Variants in ZNF140 observed in about 807,000 individuals in gnomAD.
The protein encoded by ZNF140 is zinc finger protein 140 (clone pHZ-39).
ZNF140 carries 13 observed loss-of-function variants against 12.9 expected under a neutral mutation model. The ratio of observed to expected loss-of-function variants is 1.01; its 90% CI spans 0.66 to 1.60. The LOEUF (loss-of-function observed/expected upper bound fraction) is 1.60, where lower values mean the gene tolerates loss of function less well. Ranked by LOEUF, ZNF140 falls within the 40% of genes most tolerant of loss-of-function variation. The probability of loss-of-function intolerance (pLI) is 0.00; values close to 1 mark genes in which losing one functional copy is unlikely to be tolerated. For missense variants in ZNF140, 531 were observed against 548.8 expected (o/e 0.97, Z 0.32); for synonymous variants, 214 against 186.7 (o/e 1.15, Z -1.19).
chr12:133,095,779 G>C (rs547940560), intron 4 of ZNF140, among the ~76,000 whole-genome samples: 83 of 151,914 alleles, frequency 5.5e-4, no homozygotes, highest in Non-Finnish European at 1.0e-3. Flanking sequence ...AAGGTACTAT[G>C]CCTGGATGTG....
chr12:133,084,053 A>G (rs1253197440), intron 4 of ZNF140: 3 of 349,156 alleles, frequency 8.6e-6, no homozygotes, highest in African/African-American at 6.7e-5. Flanking sequence ...TTTTTTCTAT[A>G]TTACCTAACA....
intron 4 of ZNF140, among the ~76,000 whole-genome samples, chr12:133,095,862 T>C (rs1345833973): frequency 5.9e-5 from 9 of 152,052 alleles, no homozygotes; most frequent in East Asian, 1.9e-4. Flanking sequence ...GCAGCATTAC[T>C]GCAAACATAT....
chr12:133,106,844 CTT>C lies in ZNF140; in HGVS notation c.*196_*197del, dbSNP rs1428608416. ...TGTGGAAAAGCCATTAATAACCACT[CTT>C]TTATTTTTTTGCAATAACAAGGTGA... is the stretch of plus-strand genomic sequence containing the variant. On this transcript the variant is annotated 3_prime_UTR_variant, in exon 5 of 5. Coordinates refer to ENST00000355557, the MANE Select transcript of ZNF140 (RefSeq NM_003440.4). 11 of 457,596 alleles carry C rather than the reference CTT, an allele frequency of 2.4e-5. No homozygotes were observed. Among genetic ancestry groups the C allele is most frequent in the Non-Finnish European group, 3.0e-5 (8 of 265,454 alleles). 28.3% of individuals were successfully genotyped at this position (457,596 alleles called of 1,614,324 possible).
At chr12:133,105,221 G>A (rs1955546415) in intron 4 of ZNF140, among the ~76,000 whole-genome samples, 1 of 152,148 alleles carries the variant, frequency 6.6e-6, no homozygotes, top group Non-Finnish European at 1.5e-5. Context: ...TTAAATGGTG[G>A]TGAAGAAGAC....
intron 4 of ZNF140, among the ~76,000 whole-genome samples, chr12:133,097,941 A>G (rs369172508): frequency 0.016 from 2,414 of 151,556 alleles, 51 homozygotes; most frequent in African/African-American, 0.055. Flanking sequence ...GGTTCAAGCA[A>G]TTCTGCCTCA....
At chr12:133,096,219 T>C (rs1432937895) in intron 4 of ZNF140, among the ~76,000 whole-genome samples, 1 of 152,000 alleles carries the variant, frequency 6.6e-6, no homozygotes, top group Non-Finnish European at 1.5e-5. Flanking sequence ...TGGCGATGAC[T>C]TTTACCAAGT....
intron 4 of ZNF140, among the ~76,000 whole-genome samples, chr12:133,104,871 T>C (rs1955528735): frequency 6.6e-6 from 1 of 152,134 alleles, no homozygotes; most frequent in African/African-American, 2.4e-5. Flanking sequence ...TCATGGGGGT[T>C]TGGTGTGCAG....
chr12:133,080,584 A>T (rs1954433362), upstream of ZNF140: 2 of 152,118 alleles, frequency 1.3e-5, no homozygotes, highest in African/African-American at 2.4e-5. Flanking sequence ...GGCCGCGGTT[A>T]TTTCTGGGAA....
chr12:133,098,427 A>T lies in ZNF140; in HGVS notation c.233-7083A>T, dbSNP rs901139544. On this transcript the variant is annotated intron_variant, in intron 4 of 4. Coordinates refer to ENST00000355557, the MANE Select transcript of ZNF140 (RefSeq NM_003440.4). The stretch of plus-strand genomic sequence containing the variant: ...CTAATGGTCTGCATTTTTAGTAGAG[A>T]TAGGGTTTTGCCATGTTGGCCAGGC... 2.9e-4 allele frequency among the ~76,000 whole-genome samples: 43 copies of T among 150,792 alleles called. 1 individual carries two copies. Among genetic ancestry groups the T allele is most frequent in the African/African-American group, 1.0e-3 (41 of 41,066 alleles).
rs138788879 is a variant in ZNF140, at chr12:133,106,611, A to G, written c.1334A>G (p.Asn445Ser). Residue 445 changes from asparagine (N) to serine (S), a missense_variant, in exon 5 of 5, where the codon AAT becomes AGT. Asn to Ser is a conservative substitution (Grantham distance 46, BLOSUM62 1). Transcript: ENST00000355557. ...HTLDNPYEYE[N>S]SFNYHSFLTE... The stretch of plus-strand genomic sequence containing the variant: ...CTTGACAACCCCTATGAATATGAAA[A>G]TTCATTTAATTACCACTCATTCCTT... 6.2e-6 allele frequency: 10 copies of G among 1,604,960 alleles called. No individual in the cohort carries two copies. The Admixed American group carries it at 1.7e-4, about 28-fold the overall frequency.
intron 4 of ZNF140, among the ~76,000 whole-genome samples, chr12:133,092,246 A>G (rs2137524868): frequency 6.6e-6 from 1 of 151,150 alleles, no homozygotes; most frequent in African/African-American, 2.5e-5. Flanking sequence ...TTCTGTTAAG[A>G]TATGTACGGA....
chr12:133,095,952 C>A (rs979886055), intron 4 of ZNF140, among the ~76,000 whole-genome samples: 2 of 151,490 alleles, frequency 1.3e-5, no homozygotes, highest in Non-Finnish European at 3.0e-5. Context: ...CCGAGACATT[C>A]AGTTCCCAGG....
chr12:133,081,808 G>A (rs1240942608), intron 2 of ZNF140: 1 of 242,740 alleles, frequency 4.1e-6, no homozygotes, highest in Non-Finnish European at 8.4e-6. Flanking sequence ...TATTCAATAT[G>A]TTTTTACTGA....
intron 4 of ZNF140, among the ~76,000 whole-genome samples, chr12:133,091,086 CT>C (rs1954861925): frequency 0.019 from 2,807 of 148,624 alleles, 113 homozygotes; most frequent in South Asian, 0.054. Flanking sequence ...TCCTCTTTTA[CT>C]CATCCATCTC....
At chr12:133,100,754 A>G (rs900503201) in intron 4 of ZNF140, among the ~76,000 whole-genome samples, 2 of 152,154 alleles carry the variant, frequency 1.3e-5, no homozygotes, top group Non-Finnish European at 2.9e-5. Context: ...ATGATTAAGT[A>G]AAATAAGGGT....
chr12:133,081,987 G>A (rs1167683399), intron 2 of ZNF140: 1 of 154,190 alleles, frequency 6.5e-6, no homozygotes, highest in African/African-American at 2.4e-5. Flanking sequence ...ATTCTAATGT[G>A]CAACTCATTC....
In ZNF140 at chr12:133,105,521, A is replaced by G; in HGVS notation, c.244A>G (p.Ser82Gly). 1 of 1,598,580 alleles carries G rather than the reference A, an allele frequency of 6.3e-7. No homozygotes were observed. ...TTGGTATCTTTCAGTTTCAGAGTCA[A>G]GTGGTGAGATCAAAGACTTTTCACC... Reference protein sequence around the residue: ...KRDLFSVSESSGEIKDFSPKN... With the variant: ...KRDLFSVSESGGEIKDFSPKN... Residue 82 changes from serine to glycine, a missense_variant, in exon 5 of 5, where the codon AGT (serine) becomes GGT (glycine). Ser to Gly is a moderately conservative substitution (Grantham distance 56). Transcript: ENST00000355557.
At chr12:133,094,905 AT>A (rs1276899587) in intron 4 of ZNF140, among the ~76,000 whole-genome samples, 1 of 151,250 alleles carries the variant, frequency 6.6e-6, no homozygotes, top group Non-Finnish European at 1.5e-5. Flanking sequence ...TGTAGTCAAC[AT>A]TTTGCGTTGA....
intron 4 of ZNF140, among the ~76,000 whole-genome samples, chr12:133,100,733 G>C (rs1218008639): frequency 6.6e-6 from 1 of 152,078 alleles, no homozygotes; most frequent in Non-Finnish European, 1.5e-5. Flanking sequence ...CTATTCTTGT[G>C]CTTTGGGGCC....
Sources: allele counts gnomAD v4.1 joint callset (sites outside exome capture counted in the v4.1 genomes callset), GRCh38; gene constraint gnomAD v4.1.1; transcripts MANE v1.5; gene names NCBI Gene and HGNC (gene_info 2026-07-23, HGNC 2026-07-21).